FPGT: variants seen among roughly 807,000 people sequenced by gnomAD.
The protein encoded by FPGT is GDP-L-fucose diphosphorylase.
In FPGT, 41 loss-of-function variants were observed where a neutral mutation model predicts 45.8. The observed-to-expected ratio is 0.90, with a 90% CI of 0.70 to 1.16. The LOEUF (loss-of-function observed/expected upper bound fraction) is 1.16, where lower values mean the gene tolerates loss of function less well. Ranked by LOEUF, FPGT falls within the 50% of genes most tolerant of loss-of-function variation. FPGT has a pLI of 0.00. For missense variants in FPGT, 755 were observed against 689.1 expected (o/e 1.10, Z -1.07); for synonymous variants, 292 against 247.2 (o/e 1.18, Z -1.70).
chr1:74,202,266 C>A (rs982274959), intron 3 of FPGT, among the ~76,000 whole-genome samples: 3 of 152,098 alleles, frequency 2.0e-5, no homozygotes, highest in Non-Finnish European at 2.9e-5. Flanking sequence ...TGACACCAGT[C>A]CAGGGACAGG....
intron 1 of FPGT, 56 bp downstream of exon 1, chr1:74,198,416 C>A: frequency 1.2e-6 from 2 of 1,600,714 alleles, no homozygotes; most frequent in East Asian, 4.5e-5. Flanking sequence ...GGTGCTTTTA[C>A]GTGCCAGGAG....
At chr1:74,200,269 A>G (rs970737295) in intron 2 of FPGT, among the ~76,000 whole-genome samples, 15 of 152,310 alleles carry the variant, frequency 9.8e-5, no homozygotes, top group Non-Finnish European at 2.2e-4. Flanking sequence ...TATAATACAT[A>G]TATTTGAAAA....
In FPGT at chr1:74,201,305, C is replaced by CT. The variant is rs1191902097; in HGVS notation, c.251-10dup. ...TATTAAATAAATTGTGCTTTTTTAACTTTGTTTTTAAGGAAATGGAGGATC... is the reference window on the plus strand; with the variant it reads ...TATTAAATAAATTGTGCTTTTTTAACTTTTGTTTTTAAGGAAATGGAGGATC... On this transcript the variant is annotated splice_polypyrimidine_tract_variant and intron_variant, in intron 2 of 3. Coordinates refer to ENST00000370898, the MANE Select transcript of FPGT (RefSeq NM_003838.5). 1 of 1,603,672 alleles carries CT rather than the reference C, an allele frequency of 6.2e-7. No homozygotes were observed. The highest frequency in any genetic ancestry group is 1.7e-5 in the Admixed American group (1 of 57,756).
chr1:74,204,465 A>G lies in FPGT; in HGVS notation c.418A>G (p.Ile140Val), dbSNP rs1652086569. The change falls in exon 4 of 4, where the codon ATT becomes GTT. Residue 140 changes from isoleucine to valine, a missense_variant. Transcript: ENST00000370898. ...CACTGCTTTACCTCTTGGTAACCCC[A>G]TTTATCAGATGCTAGAATTAAAACT... is the stretch of plus-strand genomic sequence containing the variant. ...IFTALPLGNP[I>V]YQMLELKLAM... 5.6e-6 allele frequency: 9 copies of G among 1,609,776 alleles called. No individual in the cohort carries two copies. The highest frequency in any genetic ancestry group is 1.7e-4 in the Middle Eastern group (1 of 6,052).
chr1:74,199,772 A>G lies in FPGT; in HGVS notation c.191A>G (p.Lys64Arg), dbSNP rs780145871. The part of the protein sequence containing the change: ...NQQLSEKLKR[K>R]ELPLGVQYHV... ...CAGCTGTCAGAAAAGCTGAAAAGAAAGGAGTTACCCCTTGGAGTTCAATAT... is the reference window on the plus strand; with the variant it reads ...CAGCTGTCAGAAAAGCTGAAAAGAAGGGAGTTACCCCTTGGAGTTCAATAT... The change falls in exon 2 of 4, where the codon AAG (lysine) becomes AGG (arginine). Residue 64 changes from lysine to arginine, a missense_variant. Coordinates refer to ENST00000370898, the MANE Select transcript of FPGT (RefSeq NM_003838.5). 1 of 1,614,182 alleles carries G rather than the reference A, an allele frequency of 6.2e-7. No homozygotes were observed. Among genetic ancestry groups the G allele is most frequent in the Non-Finnish European group, 8.5e-7 (1 of 1,180,022 alleles).
chr1:74,203,484 C>T (rs978298299), intron 3 of FPGT, among the ~76,000 whole-genome samples: 7 of 151,782 alleles, frequency 4.6e-5, no homozygotes, highest in East Asian at 3.9e-4. Context: ...CTTCGCCTCC[C>T]GGGTTCACGC....
At chr1:74,202,233 G>A (rs556767057) in intron 3 of FPGT, among the ~76,000 whole-genome samples, 5 of 152,234 alleles carry the variant, frequency 3.3e-5, no homozygotes, top group African/African-American at 1.2e-4. Flanking sequence ...TATGTTAAGG[G>A]GCTAATGAAA....
rs1652037477 is a variant in FPGT, at chr1:74,203,938, A to C, written c.344-453A>C. On this transcript the variant is annotated intron_variant, in intron 3 of 3. Coordinates refer to ENST00000370898, the MANE Select transcript of FPGT (RefSeq NM_003838.5). ...GTGCCTGTAATCCCAGCTACTCGGG[A>C]GGCTGAGGCAGGAGAATCGCTTGAA... Among the ~76,000 whole-genome samples the C allele has an allele frequency of 2.0e-5, 3 of 151,544 alleles. No homozygotes were observed. In the South Asian group the frequency reaches 6.3e-4, roughly 32 times the overall value.
At chr1:74,203,823 C>G (rs1652025643) in intron 3 of FPGT, among the ~76,000 whole-genome samples, 1 of 151,896 alleles carries the variant, frequency 6.6e-6, no homozygotes, top group Non-Finnish European at 1.5e-5. Flanking sequence ...GGGTGAATCA[C>G]CTGAGGTCAG....
At position 74,198,558 on chromosome 1, in the gene FPGT, C is replaced by G. The variant is rs149849239; in HGVS notation, c.82+198C>G. 416 of 706,448 alleles carry G rather than the reference C, an allele frequency of 5.9e-4. 1 individual carries two copies. The African/African-American group carries it at 6.6e-3, about 11-fold the overall frequency. The allele number at this position is 706,448 out of a possible 1,614,324, so 43.8% of individuals were successfully genotyped here. On this transcript the variant is annotated intron_variant, in intron 1 of 3. Transcript: ENST00000370898. Reference sequence around the variant, plus strand: ...CCCTGCTTGACATGCTTGTTGCTTACTTTATTCTTAGTAGTATAGATATTA... The same window carrying G: ...CCCTGCTTGACATGCTTGTTGCTTAGTTTATTCTTAGTAGTATAGATATTA...
chr1:74,202,505 A>T (rs970981940), intron 3 of FPGT, among the ~76,000 whole-genome samples: 1 of 152,062 alleles, frequency 6.6e-6, no homozygotes, highest in Non-Finnish European at 1.5e-5. Context: ...TAGTTAGATA[A>T]TTTTTTTATT....
chr1:74,204,543 T>G lies in FPGT; in HGVS notation c.496T>G (p.Cys166Gly). 6.2e-7 allele frequency: 1 copy of G among 1,608,178 alleles called. No individual in the cohort carries two copies. Among genetic ancestry groups the G allele is most frequent in the Non-Finnish European group, 8.5e-7 (1 of 1,174,616 alleles). The change falls in exon 4 of 4, where the codon TGT (cysteine) becomes GGT (glycine). Residue 166 changes from cysteine (C) to glycine (G), a missense_variant. Cys to Gly is a radical substitution (Grantham distance 159, BLOSUM62 -3). Transcript: ENST00000370898. ...LNMNPGILVT[C>G]ADDIELYSIG... The stretch of plus-strand genomic sequence containing the variant: ...TATGAATCCTGGAATTCTGGTTACC[T>G]GTGCAGATGATATTGAACTTTATAG...
chr1:74,203,667 A>T (rs1334763985), intron 3 of FPGT, among the ~76,000 whole-genome samples: 1 of 151,982 alleles, frequency 6.6e-6, no homozygotes, highest in Non-Finnish European at 1.5e-5. Flanking sequence ...TTGGTATTAC[A>T]GGCTTGAGCC....
rs760356366 is a variant in FPGT, at chr1:74,204,825, G to A, written c.778G>A (p.Asp260Asn). ...QQDFAGGDIA[D>N]LKLDSDYVYT... ...GGACTTTGCTGGGGGTGACATTGCC[G>A]ATCTTAAATTAGACTCTGACTATGT... The change falls in exon 4 of 4, where the codon GAT (aspartate) becomes AAT (asparagine). Residue 260 changes from aspartate (D) to asparagine (N), a missense_variant. Physicochemically the swap from Asp to Asn is conservative, Grantham distance 23. Transcript: ENST00000370898. 3.7e-5 allele frequency: 60 copies of A among 1,613,318 alleles called. No individual in the cohort carries two copies. The highest frequency in any genetic ancestry group is 4.7e-5 in the Non-Finnish European group (55 of 1,179,900).
At chr1:74,201,188 G>C (rs1651757260) in intron 2 of FPGT, 130 bp from the exon 3 acceptor site, 3 of 632,530 alleles carry the variant, frequency 4.7e-6, no homozygotes, top group Non-Finnish European at 8.1e-6. Context: ...CAATACCTTT[G>C]ATGTCCATCT....
Position 74,204,846 on chromosome 1 carries a change from T to TCA in FPGT, c.799_800insCA (p.Tyr267SerfsTer26). 21 of 1,613,640 alleles carry TCA rather than the reference T, an allele frequency of 1.3e-5. No homozygotes were observed. Among genetic ancestry groups the TCA allele is most frequent in the Non-Finnish European group, 1.8e-5 (21 of 1,179,968 alleles). On this transcript the variant is annotated frameshift_variant, in exon 4 of 4. Transcript: ENST00000370898. LOFTEE classifies it high-confidence loss of function. ...TGCCGATCTTAAATTAGACTCTGAC[T>TCA]ATGTCTACACAGATAGCCTATTTTA...
chr1:74,198,311 G>A lies in FPGT; in HGVS notation c.33G>A (p.Ser11=). The A allele has an allele frequency of 6.2e-7, 1 of 1,614,132 alleles. No individual in the cohort carries two copies. The highest frequency in any genetic ancestry group is 8.5e-7 in the Non-Finnish European group (1 of 1,180,030). The change falls in exon 1 of 4, where the codon TCG becomes TCA. Residue 11 remains serine, a synonymous_variant. Coordinates refer to ENST00000370898, the MANE Select transcript of FPGT (RefSeq NM_003838.5). MAAARDPPEV[S]LREATQRKLR... ...CTGCTAGGGACCCTCCGGAAGTATC[G>A]CTGCGAGAAGCCACCCAGCGAAAAT...
At chr1:74,200,057 A>T (rs1651644310) in intron 2 of FPGT, among the ~76,000 whole-genome samples, 1 of 152,218 alleles carries the variant, frequency 6.6e-6, no homozygotes, top group South Asian at 2.1e-4. Flanking sequence ...TACTTAAAAG[A>T]AAATTTTATT....
chr1:74,199,527 C>A, intron 1 of FPGT, 137 bp from the exon 2 acceptor site: 1 of 956,134 alleles, frequency 1.0e-6, no homozygotes, highest in Non-Finnish European at 1.5e-6. Context: ...TATTCCCTAA[C>A]TTTCAAAAGC....
Sources: allele counts gnomAD v4.1 joint callset (sites outside exome capture counted in the v4.1 genomes callset), GRCh38; gene constraint gnomAD v4.1.1; transcripts MANE v1.5; gene names NCBI Gene and HGNC (gene_info 2026-07-23, HGNC 2026-07-21).